The following BIK variants were observed in gnomAD, a reference collection of about 807,000 sequenced individuals.
BIK encodes the protein BCL2 interacting killer.
Under a neutral mutation model 12.1 loss-of-function variants are expected in BIK, and 14 were observed. The ratio of observed to expected loss-of-function variants is 1.16; its 90% CI spans 0.77 to 1.81. BIK has a LOEUF of 1.81. BIK is among the 40% of genes most tolerant of loss of function. BIK has a pLI of 0.00. For synonymous variants in BIK, 86 were observed against 92.3 expected (o/e 0.93, Z 0.39); for missense variants, 215 against 207.9 (o/e 1.03, Z -0.21).
At chr22:43,129,104 C>T (rs1168982470) in intron 4 of BIK, 109 bp from the exon 5 acceptor site, 13 of 1,577,756 alleles carry the variant, frequency 8.2e-6, no homozygotes, top group Non-Finnish European at 1.0e-5. Context: ...CCTCGAGCTC[C>T]TTCCCAGTCC....
intron 3 of BIK, 147 bp from the exon 4 acceptor site, chr22:43,128,349 G>A (rs1382836075): frequency 1.1e-5 from 11 of 963,246 alleles, no homozygotes; most frequent in Middle Eastern, 3.3e-4. Context: ...GCAGGTGGAG[G>A]CGCCCACGGA....
chr22:43,116,223 C>T (rs1482513865), intron 1 of BIK, among the ~76,000 whole-genome samples: 4 of 152,256 alleles, frequency 2.6e-5, no homozygotes, highest in East Asian at 1.9e-4. Context: ...ACTTCCTCTA[C>T]GGTTAGGATT....
chr22:43,120,168 G>A (rs1391660367), intron 1 of BIK, among the ~76,000 whole-genome samples: 1 of 152,052 alleles, frequency 6.6e-6, no homozygotes, highest in African/African-American at 2.4e-5. Context: ...CAGGGGGAGG[G>A]CCTGTTAGTG....
intron 2 of BIK, 111 bp from the exon 3 acceptor site, chr22:43,127,586 C>G: frequency 1.0e-6 from 1 of 963,964 alleles, no homozygotes; most frequent in Non-Finnish European, 1.5e-6. Flanking sequence ...GACACCATCT[C>G]TTATCCTCTG....
At chr22:43,121,994 G>C (rs1930229022) in intron 1 of BIK, among the ~76,000 whole-genome samples, 1 of 152,184 alleles carries the variant, frequency 6.6e-6, no homozygotes, top group Non-Finnish European at 1.5e-5. Context: ...GCCTCCCAAA[G>C]TGCTGGGATT....
rs560448194 is a variant in BIK, at chr22:43,124,072, T to C, written c.50T>C (p.Leu17Pro). 6.2e-7 allele frequency: 1 copy of C among 1,614,154 alleles called. No individual in the cohort carries two copies. The highest frequency in any genetic ancestry group is 2.2e-5 in the East Asian group (1 of 44,878). ...LSRDILMETL[L>P]YEQLLEPPTM... The stretch of plus-strand genomic sequence containing the variant: ...AGAGACATCTTGATGGAGACCCTCC[T>C]GTATGAGCAGCTCCTGGAACCCCCG... The change falls in exon 2 of 5, where the codon CTG becomes CCG. Residue 17 changes from leucine to proline, a missense_variant. Coordinates refer to ENST00000216115, the MANE Select transcript of BIK (RefSeq NM_001197.5).
At chr22:43,128,352 C>G in intron 3 of BIK, 144 bp from the exon 4 acceptor site, 1 of 1,024,698 alleles carries the variant, frequency 9.8e-7, no homozygotes, top group Non-Finnish European at 1.4e-6. Context: ...GGTGGAGGCG[C>G]CCACGGAAAG....
chr22:43,116,816 G>C (rs1032653190), intron 1 of BIK, among the ~76,000 whole-genome samples: 4 of 152,194 alleles, frequency 2.6e-5, no homozygotes, highest in African/African-American at 9.6e-5. Context: ...GCGTGCACCT[G>C]TAGTCCCAGG....
chr22:43,116,324 G>A (rs764487638), intron 1 of BIK, among the ~76,000 whole-genome samples: 8 of 152,170 alleles, frequency 5.3e-5, no homozygotes, highest in Non-Finnish European at 1.0e-4. Flanking sequence ...CGCCCAGGCT[G>A]GAGTGCAGTG....
intron 1 of BIK, among the ~76,000 whole-genome samples, chr22:43,121,106 C>G (rs1022638580): frequency 6.6e-6 from 1 of 152,034 alleles, no homozygotes; most frequent in East Asian, 1.9e-4. Context: ...ACCTGGGAGG[C>G]GGAGGTTGCA....
intron 1 of BIK, 143 bp from the exon 2 acceptor site, chr22:43,123,873 G>C: frequency 1.2e-6 from 1 of 803,006 alleles, no homozygotes; most frequent in Non-Finnish European, 1.9e-6. Context: ...GCCTGTGGGA[G>C]CTGGGGTTGG....
chr22:43,127,291 G>A (rs1247673137), intron 2 of BIK, among the ~76,000 whole-genome samples: 1 of 152,068 alleles, frequency 6.6e-6, no homozygotes, highest in Admixed American at 6.5e-5. Context: ...CCTGTGGGAA[G>A]GGGGCTCAAG....
At chr22:43,115,690 T>C (rs1478631766) in intron 1 of BIK, among the ~76,000 whole-genome samples, 1 of 152,082 alleles carries the variant, frequency 6.6e-6, no homozygotes, top group African/African-American at 2.4e-5. Flanking sequence ...TGTGAACTCC[T>C]GACCTCAGTT....
At position 43,124,039 on chromosome 22, in the gene BIK, C is replaced by T; in HGVS notation, c.17C>T (p.Pro6Leu). MSEVR[P>L]LSRDILMETL... ...AGAGGAGAAATGTCTGAAGTAAGAC[C>T]CCTCTCCAGAGACATCTTGATGGAG... Residue 6 changes from proline to leucine, a missense_variant, in exon 2 of 5, where the codon CCC (proline) becomes CTC (leucine). By Grantham distance (98) the Pro-to-Leu change is moderately conservative (BLOSUM62 -3). Transcript: ENST00000216115. 6.2e-7 allele frequency: 1 copy of T among 1,614,112 alleles called. No individual in the cohort carries two copies. The highest frequency in any genetic ancestry group is 8.5e-7 in the Non-Finnish European group (1 of 1,180,004).
chr22:43,121,538 G>C (rs1930219553), intron 1 of BIK, among the ~76,000 whole-genome samples: 1 of 152,168 alleles, frequency 6.6e-6, no homozygotes, highest in African/African-American at 2.4e-5. Context: ...GCAGCTCACA[G>C]CTCAGCTCAC....
chr22:43,115,915 C>A (rs1031234932), intron 1 of BIK, among the ~76,000 whole-genome samples: 2 of 152,046 alleles, frequency 1.3e-5, no homozygotes, highest in African/African-American at 4.8e-5. Flanking sequence ...CGCCACCACG[C>A]CCGGCTAACT....
rs537922688 is a variant in BIK, at chr22:43,117,709, C to T, written c.-7-6307C>T. On this transcript the variant is annotated intron_variant, in intron 1 of 4. Transcript: ENST00000216115. ...TTGAGATGGAGTTTTTCGCTCTTGT[C>T]GCCCAGGTTGGAGTGTAATGGTGTG... Among the ~76,000 whole-genome samples, 6 of 143,146 alleles carry T rather than the reference C, an allele frequency of 4.2e-5. 1 individual carries two copies. Among genetic ancestry groups the T allele is most frequent in the East Asian group, 4.2e-4 (2 of 4,792 alleles). 93.9% of individuals were successfully genotyped at this position (143,146 alleles called of 152,430 possible). A position where few individuals can be genotyped will look rare whatever the true frequency, so the allele number is the denominator to read the frequency against.
chr22:43,118,616 G>T (rs1336385922), intron 1 of BIK, among the ~76,000 whole-genome samples: 6 of 152,180 alleles, frequency 3.9e-5, no homozygotes, highest in African/African-American at 1.4e-4. Context: ...GACTGGGAGG[G>T]TGGCACGTGG....
At chr22:43,127,922 C>A in intron 3 of BIK, 127 bp downstream of exon 3, 2 of 837,322 alleles carry the variant, frequency 2.4e-6, no homozygotes, top group Non-Finnish European at 3.6e-6. Flanking sequence ...GACACTGGGG[C>A]TATACTGAAA....
Sources: gnomAD v4.1 joint callset for allele counts (sites outside exome capture counted in the v4.1 genomes callset) on GRCh38, gnomAD v4.1.1 for gene constraint, MANE v1.5 for transcripts, NCBI Gene and HGNC (gene_info 2026-07-23, HGNC 2026-07-21) for gene names.